The following SPESP1 variants were observed in gnomAD, a reference collection of about 807,000 sequenced individuals.
SPESP1 encodes the protein equatorial segment protein.
SPESP1 carries 1 observed loss-of-function variant against 3.1 expected under a neutral mutation model. The ratio of observed to expected loss-of-function variants is 0.33; its 90% CI spans 0.12 to 1.54. The LOEUF (loss-of-function observed/expected upper bound fraction) is 1.54. Ranked by LOEUF, SPESP1 falls within the 40% of genes most tolerant of loss-of-function variation. The pLI, the probability that SPESP1 is intolerant of heterozygous loss-of-function variation, is 0.38. For missense variants in SPESP1, 398 were observed against 410.1 expected, an observed-to-expected ratio of 0.97 and a Z score of 0.26; for synonymous variants, 138 against 150.7, an observed-to-expected ratio of 0.92 and a Z score of 0.62.
intron 1 of SPESP1, among the ~76,000 whole-genome samples, chr15:68,940,968 A>G (rs528484136): frequency 1.3e-5 from 2 of 152,030 alleles, no homozygotes; most frequent in South Asian, 4.1e-4. Flanking sequence ...CTATTTTTCC[A>G]TATGCAATTG....
chr15:68,935,340 G>A (rs1895656283), intron 1 of SPESP1, among the ~76,000 whole-genome samples: 1 of 152,172 alleles, frequency 6.6e-6, no homozygotes, highest in South Asian at 2.1e-4. Flanking sequence ...ACTCAGCTGG[G>A]CAGCTCTGCT....
At chr15:68,930,791 G>T in intron 1 of SPESP1, 74 bp downstream of exon 1, 1 of 1,606,668 alleles carries the variant, frequency 6.2e-7, no homozygotes, top group South Asian at 1.1e-5. Context: ...CGACCTCGAA[G>T]CCTGGCCCTT....
In SPESP1 at chr15:68,943,574, T is replaced by C. The variant is rs541684311; in HGVS notation, c.65-2025T>C. Among the ~76,000 whole-genome samples the C allele has an allele frequency of 5.2e-4, 79 of 152,292 alleles. 1 individual carries two copies. The South Asian group carries it at 9.3e-3, about 18-fold the overall frequency. The stretch of plus-strand genomic sequence containing the variant: ...GAAATGGGTTAATATAAATTATATC[T>C]GTTTTCTCATTGGGCGTAAATGCAG... On this transcript the variant is annotated intron_variant, in intron 1 of 1. Coordinates refer to ENST00000310673, the MANE Select transcript of SPESP1 (RefSeq NM_145658.4).
chr15:68,933,540 G>A (rs921883768), intron 1 of SPESP1, among the ~76,000 whole-genome samples: 2 of 151,544 alleles, frequency 1.3e-5, no homozygotes, highest in African/African-American at 4.9e-5. Flanking sequence ...ACTTTTTAAT[G>A]AGAATTCTTT....
intron 1 of SPESP1, among the ~76,000 whole-genome samples, chr15:68,936,869 G>A (rs1467079609): frequency 3.9e-5 from 6 of 152,010 alleles, no homozygotes; most frequent in Non-Finnish European, 8.8e-5. Flanking sequence ...AAGTATGGGG[G>A]CTCTCTGAGA....
intron 1 of SPESP1, among the ~76,000 whole-genome samples, chr15:68,931,695 C>T (rs1410955187): frequency 2.0e-5 from 3 of 152,112 alleles, no homozygotes; most frequent in South Asian, 4.1e-4. Flanking sequence ...AGCTGAAAAC[C>T]AATAAGGTCA....
chr15:68,935,576 T>G (rs139806868), intron 1 of SPESP1, among the ~76,000 whole-genome samples: 2 of 152,372 alleles, frequency 1.3e-5, no homozygotes, highest in Admixed American at 6.5e-5. Flanking sequence ...TCAGACTTGC[T>G]AATGTCCTAT....
rs146327452 is a variant in SPESP1 at position 68,946,520 on chromosome 15, C to A, written c.986C>A (p.Thr329Lys). Residue 329 changes from threonine (T) to lysine (K), a missense_variant, in exon 2 of 2, where the codon ACA (threonine) becomes AAA (lysine). Thr to Lys is a moderately conservative substitution (Grantham distance 78). Transcript: ENST00000310673. ...CCAGAGATGAGAGAAAAAGCTGCTA[C>A]AGTATTCAATACATTAAAAAATATG... Reference protein sequence around the residue: ...VPPEMREKAATVFNTLKNMCR... With the variant: ...VPPEMREKAAKVFNTLKNMCR... 3 of 1,607,112 alleles carry A rather than the reference C, an allele frequency of 1.9e-6. No homozygotes were observed. Among genetic ancestry groups the A allele is most frequent in the Non-Finnish European group, 2.5e-6 (3 of 1,178,390 alleles).
chr15:68,939,468 C>T (rs900101489), intron 1 of SPESP1, among the ~76,000 whole-genome samples: 4 of 152,172 alleles, frequency 2.6e-5, no homozygotes, highest in Non-Finnish European at 5.9e-5. Context: ...AGTTGAGGCT[C>T]CACTATCTTT....
At chr15:68,931,478 A>C (rs1015220718) in intron 1 of SPESP1, among the ~76,000 whole-genome samples, 4 of 152,122 alleles carry the variant, frequency 2.6e-5, no homozygotes, top group Non-Finnish European at 5.9e-5. Context: ...CAAAGACTGA[A>C]GTATTTACTC....
At chr15:68,943,473 GT>G (rs1182255805) in intron 1 of SPESP1, among the ~76,000 whole-genome samples, 5 of 152,074 alleles carry the variant, frequency 3.3e-5, no homozygotes. Context: ...TCACTAAACT[GT>G]TCTCATTAAG....
chr15:68,942,015 G>T (rs866619371), intron 1 of SPESP1, among the ~76,000 whole-genome samples: 5 of 152,060 alleles, frequency 3.3e-5, no homozygotes, highest in African/African-American at 4.8e-5. Flanking sequence ...ATACAGTTGG[G>T]GTTTCACCAT....
In SPESP1 at chr15:68,946,054, G is replaced by C. The variant is rs1895953783; in HGVS notation, c.520G>C (p.Val174Leu). 6.2e-7 allele frequency: 1 copy of C among 1,614,138 alleles called. No individual in the cohort carries two copies. The highest frequency in any genetic ancestry group is 1.3e-5 in the African/African-American group (1 of 75,038). ...VVTESSTSPY[V>L]TSYKSPVTTL... ...TACTGAATCATCTACAAGTCCATATGTTACCTCATACAAGTCACCTGTCAC... is the reference window on the plus strand; with the variant it reads ...TACTGAATCATCTACAAGTCCATATCTTACCTCATACAAGTCACCTGTCAC... The change falls in exon 2 of 2, where the codon GTT becomes CTT. Residue 174 changes from valine to leucine, a missense_variant. Val to Leu is a conservative substitution (Grantham distance 32). Transcript: ENST00000310673.
At chr15:68,942,768 A>G (rs1428672649) in intron 1 of SPESP1, among the ~76,000 whole-genome samples, 1 of 152,150 alleles carries the variant, frequency 6.6e-6, no homozygotes, top group Non-Finnish European at 1.5e-5. Flanking sequence ...TTTATAGTTA[A>G]GTGAATATCC....
Position 68,946,207 on chromosome 15 carries a change from G to A in SPESP1, c.673G>A (p.Asp225Asn). Reference protein sequence around the residue: ...GKHPESWNNDDILKKILDINS... With the variant: ...GKHPESWNNDNILKKILDINS... ...GCACCCAGAGAGTTGGAATAATGAT[G>A]ACATTTTGAAAAAAATTTTAGATAT... is the stretch of plus-strand genomic sequence containing the variant. The change falls in exon 2 of 2, where the codon GAC (aspartate) becomes AAC (asparagine). Residue 225 changes from aspartate (D) to asparagine (N), a missense_variant. Physicochemically the swap from Asp to Asn is conservative, Grantham distance 23 (BLOSUM62 1). Coordinates refer to ENST00000310673, the MANE Select transcript of SPESP1 (RefSeq NM_145658.4). 1.2e-6 allele frequency: 2 copies of A among 1,614,044 alleles called. No individual in the cohort carries two copies. Among genetic ancestry groups the A allele is most frequent in the South Asian group, 2.2e-5 (2 of 91,072 alleles).
At chr15:68,941,157 T>G (rs1895812600) in intron 1 of SPESP1, among the ~76,000 whole-genome samples, 1 of 152,060 alleles carries the variant, frequency 6.6e-6, no homozygotes, top group South Asian at 2.1e-4. Context: ...TATAATAAAA[T>G]TTTCTAACTC....
chr15:68,946,626 T>C lies in SPESP1; in HGVS notation c.*39T>C, dbSNP rs1895977940. 2 of 1,390,554 alleles carry C rather than the reference T, an allele frequency of 1.4e-6. No homozygotes were observed. The highest frequency in any genetic ancestry group is 2.0e-5 in the South Asian group (1 of 50,108). The allele number at this position is 1,390,554 out of a possible 1,614,324, so 86.1% of individuals were successfully genotyped here. On this transcript the variant is annotated 3_prime_UTR_variant, in exon 2 of 2. Transcript: ENST00000310673. ...AATTTTAAACCTACTTGATATTCCATAACAAAGCTGATTTAAGCAAACTGC... is the reference window on the plus strand; with the variant it reads ...AATTTTAAACCTACTTGATATTCCACAACAAAGCTGATTTAAGCAAACTGC...
In SPESP1 at chr15:68,945,760, G is replaced by C. The variant is rs754397908; in HGVS notation, c.226G>C (p.Glu76Gln). The C allele has an allele frequency of 6.2e-7, 1 of 1,613,850 alleles. No individual in the cohort carries two copies. Among genetic ancestry groups the C allele is most frequent in the South Asian group, 1.1e-5 (1 of 91,000 alleles). ...SIASKGSKFKELVTHGDASTE... is the reference protein window; with the variant it reads ...SIASKGSKFKQLVTHGDASTE... ...AGCATCAAAGGGATCAAAATTTAAG[G>C]AGCTAGTTACACATGGAGACGCTTC... The change falls in exon 2 of 2, where the codon GAG becomes CAG. Residue 76 changes from glutamate (E) to glutamine (Q), a missense_variant. By Grantham distance (29) the Glu-to-Gln change is conservative. Coordinates refer to ENST00000310673, the MANE Select transcript of SPESP1 (RefSeq NM_145658.4).
chr15:68,934,667 G>A (rs1404910839), intron 1 of SPESP1, among the ~76,000 whole-genome samples: 2 of 151,968 alleles, frequency 1.3e-5, no homozygotes, highest in African/African-American at 4.8e-5. Flanking sequence ...TCCCTTAAAT[G>A]GATATACTTT....
Sources: allele counts gnomAD v4.1 joint callset (sites outside exome capture counted in the v4.1 genomes callset), GRCh38; gene constraint gnomAD v4.1.1; transcripts MANE v1.5; gene names NCBI Gene and HGNC (gene_info 2026-07-23, HGNC 2026-07-21).